The following LRRC4C variants were observed in gnomAD, a reference collection of about 807,000 sequenced individuals.
The protein encoded by LRRC4C is leucine-rich repeat-containing protein 4C.
LRRC4C carries 5 observed loss-of-function variants against 33.6 expected under a neutral mutation model. The ratio of observed to expected loss-of-function variants is 0.15; its 90% CI spans 0.08 to 0.31. The LOEUF (loss-of-function observed/expected upper bound fraction) is 0.31. Ranked by LOEUF, LRRC4C falls within the 10% of genes least tolerant of loss-of-function variation. The pLI is 1.00. For missense variants in LRRC4C, 560 were observed against 796.7 expected (o/e 0.70, Z 3.58); for synonymous variants, 329 against 302.0 (o/e 1.09, Z -0.93).
intron 1 of LRRC4C, chr11:41,122,931 T>A (rs999075487): frequency 2.0e-5 from 3 of 152,140 alleles, no homozygotes; most frequent in Admixed American, 6.5e-5. Flanking sequence ...ACTTAAAAAA[T>A]TTGTGTGTCA....
chr11:40,990,915 T>C (rs2137244894), intron 1 of LRRC4C, among the ~76,000 whole-genome samples: 1 of 152,158 alleles, frequency 6.6e-6, no homozygotes, highest in South Asian at 2.1e-4. Flanking sequence ...ACAAAGATTT[T>C]TTTCTGAAAA....
At chr11:40,605,933 C>T (rs1173544607) in intron 3 of LRRC4C, among the ~76,000 whole-genome samples, 1 of 152,124 alleles carries the variant, frequency 6.6e-6, no homozygotes, top group Non-Finnish European at 1.5e-5. Context: ...TTCTTCTTCT[C>T]TTGTTTTGGA....
chr11:40,555,822 C>A (rs1280074473), intron 3 of LRRC4C, among the ~76,000 whole-genome samples: 1 of 152,108 alleles, frequency 6.6e-6, no homozygotes, highest in South Asian at 2.1e-4. Context: ...AAGCAACAGA[C>A]AATATTTGAT....
At chr11:40,185,806 G>A (rs1029235652) in intron 5 of LRRC4C, among the ~76,000 whole-genome samples, 6 of 152,094 alleles carry the variant, frequency 3.9e-5, no homozygotes, top group African/African-American at 1.2e-4. Flanking sequence ...AGGAGGAACA[G>A]CAGGAGAAGC....
chr11:40,591,624 T>C (rs1304143483), intron 3 of LRRC4C, among the ~76,000 whole-genome samples: 2 of 152,222 alleles, frequency 1.3e-5, no homozygotes, highest in African/African-American at 4.8e-5. Context: ...GATCAGTAGC[T>C]TTCATCAAAA....
chr11:40,642,082 T>A (rs1479384025), intron 3 of LRRC4C, among the ~76,000 whole-genome samples: 1 of 150,372 alleles, frequency 6.7e-6, no homozygotes, highest in Non-Finnish European at 1.5e-5. Flanking sequence ...CATGGGTGGG[T>A]GGGATTGACA....
chr11:41,074,699 G>C (rs1220237605), intron 1 of LRRC4C, among the ~76,000 whole-genome samples: 1 of 152,114 alleles, frequency 6.6e-6, no homozygotes, highest in Non-Finnish European at 1.5e-5. Context: ...AAACCAGTTT[G>C]GAATTACATC....
chr11:41,256,020 G>C (rs1442390684), intron 1 of LRRC4C, among the ~76,000 whole-genome samples: 5 of 151,980 alleles, frequency 3.3e-5, no homozygotes, highest in Non-Finnish European at 7.4e-5. Context: ...TCTGTAACAA[G>C]AAGGAAACAT....
At chr11:41,408,857 AGC>A (rs1954350231) in intron 1 of LRRC4C, among the ~76,000 whole-genome samples, 2 of 151,926 alleles carry the variant, frequency 1.3e-5, no homozygotes, top group Non-Finnish European at 2.9e-5. Flanking sequence ...GCTGTCTGCC[AGC>A]AGAGACCTTT....
At chr11:40,839,044 A>G (rs1355770463) in intron 2 of LRRC4C, among the ~76,000 whole-genome samples, 1 of 152,138 alleles carries the variant, frequency 6.6e-6, no homozygotes, top group East Asian at 1.9e-4. Context: ...GAGACCATCA[A>G]CTTTGCTATA....
At chr11:40,802,195 T>C (rs1951069135) in intron 2 of LRRC4C, among the ~76,000 whole-genome samples, 1 of 152,204 alleles carries the variant, frequency 6.6e-6, no homozygotes, top group Non-Finnish European at 1.5e-5. Context: ...ATCAGACTCC[T>C]GCACACATTA....
At position 40,475,941 on chromosome 11, in the gene LRRC4C, G is replaced by A. The variant is rs573278209; in HGVS notation, c.-269-156220C>T. 2.0e-5 allele frequency among the ~76,000 whole-genome samples: 3 copies of A among 152,230 alleles called. No individual in the cohort carries two copies. In the East Asian group the frequency reaches 5.8e-4, roughly 29 times the overall value. On this transcript the variant is annotated intron_variant, in intron 3 of 6. Transcript: ENST00000528697. ...TTCTCACCCTTGGCACTGTTGACAT[G>A]TGAGACTCAATAATTTTTTGCTGTT...
intron 2 of LRRC4C, among the ~76,000 whole-genome samples, chr11:40,757,949 A>T (rs530277694): frequency 1.1e-4 from 16 of 152,084 alleles, no homozygotes; most frequent in Admixed American, 3.3e-4. Flanking sequence ...TACATCTGAA[A>T]CCTTAGTTTT....
intron 1 of LRRC4C, among the ~76,000 whole-genome samples, chr11:41,446,005 ATAG>A (rs1299917452): frequency 1.3e-5 from 2 of 152,172 alleles, no homozygotes; most frequent in Non-Finnish European, 2.9e-5. Context: ...TGTCAGACAC[ATAG>A]TAGGTTCTAC....
chr11:40,424,280 A>G (rs1385636174), intron 3 of LRRC4C, among the ~76,000 whole-genome samples: 1 of 152,204 alleles, frequency 6.6e-6, no homozygotes, highest in East Asian at 1.9e-4. Flanking sequence ...ATGAAAGCAG[A>G]GCTATAAATG....
chr11:40,432,673 C>CT (rs1235903419), intron 3 of LRRC4C, among the ~76,000 whole-genome samples: 1 of 152,180 alleles, frequency 6.6e-6, no homozygotes, highest in African/African-American at 2.4e-5. Flanking sequence ...ATCCCAGACT[C>CT]TAACAGTTTC....
At chr11:41,350,061 G>A (rs2137557296) in intron 1 of LRRC4C, among the ~76,000 whole-genome samples, 1 of 152,174 alleles carries the variant, frequency 6.6e-6, no homozygotes, top group African/African-American at 2.4e-5. Flanking sequence ...ATAGCCTCTG[G>A]AAAACTCCAC....
intron 3 of LRRC4C, among the ~76,000 whole-genome samples, chr11:40,438,905 G>A (rs1951258900): frequency 2.0e-5 from 3 of 149,676 alleles, no homozygotes; most frequent in South Asian, 4.2e-4. Context: ...CAAATCTACA[G>A]GGTTAATTTA....
intron 2 of LRRC4C, among the ~76,000 whole-genome samples, chr11:40,796,263 G>C (rs983577768): frequency 2.0e-5 from 3 of 152,186 alleles, no homozygotes; most frequent in African/African-American, 7.2e-5. Context: ...ATCTCCGAAA[G>C]AGCTTAGAAT....
Sources: allele counts gnomAD v4.1 joint callset (sites outside exome capture counted in the v4.1 genomes callset), GRCh38; gene constraint gnomAD v4.1.1; transcripts MANE v1.5; gene names NCBI Gene and HGNC (gene_info 2026-07-23, HGNC 2026-07-21).